ARHGEF7: variants seen among roughly 807,000 people sequenced by gnomAD.
ARHGEF7 encodes the protein Rho guanine nucleotide exchange factor 7, also known as PAK-interacting exchange factor beta.
A neutral mutation model predicts 109.8 loss-of-function variants in ARHGEF7; 33 were observed. The observed-to-expected ratio is 0.30, with a 90% CI of 0.23 to 0.40. The LOEUF is 0.40. Ranked by LOEUF, ARHGEF7 falls within the 10% of genes least tolerant of loss-of-function variation. The pLI, the probability that ARHGEF7 is intolerant of heterozygous loss-of-function variation, is 1.00. For synonymous variants in ARHGEF7, 458 were observed against 424.6 expected, an observed-to-expected ratio of 1.08 and a Z score of -0.97; for missense variants, 938 against 1,098.5, an observed-to-expected ratio of 0.85 and a Z score of 2.07.
chr13:111,215,621 C>A (rs78314470), intron 4 of ARHGEF7, among the ~76,000 whole-genome samples: 1 of 152,166 alleles, frequency 6.6e-6, no homozygotes, highest in African/African-American at 2.4e-5. Context: ...ATTTTGTTTT[C>A]GAGAATTAGT....
At chr13:111,246,922 G>A (rs1049892994) in intron 8 of ARHGEF7, among the ~76,000 whole-genome samples, 4 of 152,160 alleles carry the variant, frequency 2.6e-5, no homozygotes, top group East Asian at 1.9e-4. Context: ...CACATTACTC[G>A]TTAAAAAGCT....
intron 1 of ARHGEF7, among the ~76,000 whole-genome samples, chr13:111,127,711 A>T (rs1409031067): frequency 6.6e-6 from 1 of 151,336 alleles, no homozygotes; most frequent in African/African-American, 2.4e-5. Context: ...GTGAGGTTGT[A>T]CTTCCCAAAC....
rs556954118 is a variant in ARHGEF7, at chr13:111,126,775, A to G, written c.165+11084A>G. 7.9e-4 allele frequency among the ~76,000 whole-genome samples: 121 copies of G among 152,332 alleles called. 3 individuals carry two copies. The South Asian group carries it at 0.021, about 27-fold the overall frequency. ...ACAAATAACCTGGAGTCATAAGCAC[A>G]CTGTTTATGAATTCCTCAAATGAAA... On this transcript the variant is annotated intron_variant, in intron 1 of 21. Transcript: ENST00000646102.
chr13:111,205,235 C>CGAA (rs1197197838), intron 2 of ARHGEF7, 54 bp from the exon 3 acceptor site: 2 of 1,431,844 alleles, frequency 1.4e-6, no homozygotes, highest in African/African-American at 2.9e-5. Context: ...CTTAGTTCAT[C>CGAA]CTGCACCCAA....
At chr13:111,120,985 A>G (rs1237846244) in intron 1 of ARHGEF7, among the ~76,000 whole-genome samples, 3 of 152,232 alleles carry the variant, frequency 2.0e-5, no homozygotes, top group Non-Finnish European at 2.9e-5. Context: ...CACTGCCTTC[A>G]GAAATTTACA....
intron 1 of ARHGEF7, among the ~76,000 whole-genome samples, chr13:111,135,201 A>G (rs956218741): frequency 7.9e-5 from 12 of 152,170 alleles, no homozygotes; most frequent in Non-Finnish European, 1.8e-4. Context: ...TGGTTACTGT[A>G]GCCTTGTAGT....
chr13:111,145,933 G>A lies in ARHGEF7; in HGVS notation c.166-7972G>A, dbSNP rs2075567030. ...TAAGGTTCTTTGTTTCACTTACTCCGTGATGAGTGGATTTGGTGACCTAAG... is the reference window on the plus strand; with the variant it reads ...TAAGGTTCTTTGTTTCACTTACTCCATGATGAGTGGATTTGGTGACCTAAG... On this transcript the variant is annotated intron_variant, in intron 1 of 21. Transcript: ENST00000646102. The surrounding 1 kb of genome is among the most constrained non-coding windows in gnomAD (Gnocchi z 4.3). Among the ~76,000 whole-genome samples, 2 of 152,176 alleles carry A rather than the reference G, an allele frequency of 1.3e-5. No homozygotes were observed. Among genetic ancestry groups the A allele is most frequent in the Non-Finnish European group, 2.9e-5 (2 of 68,030 alleles).
intron 1 of ARHGEF7, among the ~76,000 whole-genome samples, chr13:111,151,651 C>T (rs1422918181): frequency 6.6e-6 from 1 of 152,218 alleles, no homozygotes; most frequent in Non-Finnish European, 1.5e-5. Context: ...TAACATTGAA[C>T]TCATGGCCAA....
chr13:111,241,240 G>C (rs1200064676), intron 6 of ARHGEF7: 1 of 1,536,080 alleles, frequency 6.5e-7, no homozygotes, highest in Non-Finnish European at 8.7e-7. Context: ...TGGGTTCCCA[G>C]CGTTGGTGGG....
intron 16 of ARHGEF7, among the ~76,000 whole-genome samples, chr13:111,285,696 A>AT (rs562730575): frequency 5.9e-5 from 9 of 152,098 alleles, no homozygotes; most frequent in Non-Finnish European, 1.2e-4. Flanking sequence ...TAAAGCAATT[A>AT]TTTTTTACTT....
rs1400994923 is a variant in ARHGEF7, at chr13:111,230,343, A to C, written c.671-2862A>C. 2.0e-5 allele frequency among the ~76,000 whole-genome samples: 3 copies of C among 152,134 alleles called. No homozygotes were observed. In the East Asian group the frequency reaches 5.8e-4, roughly 29 times the overall value. On this transcript the variant is annotated intron_variant, in intron 5 of 21. Transcript: ENST00000646102. ...ATAGTAGGGCAGTTGAGTATTTTCT[A>C]ATCTATTTCCTGGCTGTGTGCTTTT... is the stretch of plus-strand genomic sequence containing the variant.
intron 1 of ARHGEF7, among the ~76,000 whole-genome samples, chr13:111,121,075 G>C (rs1369328087): frequency 6.6e-6 from 1 of 152,174 alleles, no homozygotes; most frequent in Non-Finnish European, 1.5e-5. Context: ...GGAGGGGCTG[G>C]CTCAGGTCAC....
intron 1 of ARHGEF7, among the ~76,000 whole-genome samples, chr13:111,143,356 C>T (rs947610994): frequency 5.3e-5 from 8 of 152,144 alleles, no homozygotes; most frequent in Non-Finnish European, 1.0e-4. Flanking sequence ...AGCACATTTC[C>T]GTCAGAGGCC....
At chr13:111,286,277 C>CACG in intron 17 of ARHGEF7, 37 bp downstream of exon 17, 2 of 1,540,818 alleles carry the variant, frequency 1.3e-6, no homozygotes, top group Non-Finnish European at 1.8e-6. Context: ...AGGACGTGGC[C>CACG]TCCTGGTCAC....
In ARHGEF7 at chr13:111,274,714, G is replaced by A. The variant is rs370025254; in HGVS notation, c.1213-17G>A. 9.0e-6 allele frequency: 13 copies of A among 1,436,838 alleles called. No individual in the cohort carries two copies. Among genetic ancestry groups the A allele is most frequent in the Non-Finnish European group, 1.2e-5 (13 of 1,077,500 alleles). 89.0% of individuals were successfully genotyped at this position (1,436,838 alleles called of 1,614,324 possible). ...TTTTCCTTATGAAAGCTAATTGTAT[G>A]TTTCTTTTACTCAAAGGATTATCAT... On this transcript the variant is annotated splice_polypyrimidine_tract_variant and intron_variant, in intron 10 of 21. Coordinates refer to ENST00000646102, the MANE Select transcript of ARHGEF7 (RefSeq NM_001354046.2).
At chr13:111,176,687 C>G (rs1594318962) in intron 2 of ARHGEF7, among the ~76,000 whole-genome samples, 1 of 152,244 alleles carries the variant, frequency 6.6e-6, no homozygotes, top group Non-Finnish European at 1.5e-5. Flanking sequence ...CCCATCTGCT[C>G]TTGAGCTTTC....
At chr13:111,130,135 T>C (rs2074663061) in intron 1 of ARHGEF7, among the ~76,000 whole-genome samples, 3 of 152,188 alleles carry the variant, frequency 2.0e-5, no homozygotes, top group Non-Finnish European at 4.4e-5. Flanking sequence ...ATGATTCCAT[T>C]TATAGAAGAT....
intron 8 of ARHGEF7, among the ~76,000 whole-genome samples, chr13:111,249,200 CACATA>C (rs2089384808): frequency 6.6e-6 from 1 of 152,076 alleles, no homozygotes. Flanking sequence ...TTAGCTGTTC[CACATA>C]ACAAAGTTGG....
At chr13:111,274,958 A>G (rs2153598469) in intron 11 of ARHGEF7, among the ~76,000 whole-genome samples, 168 bp downstream of exon 11, 1 of 152,362 alleles carries the variant, frequency 6.6e-6, no homozygotes, top group South Asian at 2.1e-4. Flanking sequence ...GTGGACTATG[A>G]TAGAATAATT....
Sources: gnomAD v4.1 joint callset for allele counts (sites outside exome capture counted in the v4.1 genomes callset) on GRCh38, gnomAD v4.1.1 for gene constraint, Gnocchi (gnomAD v3.1) non-coding constraint, MANE v1.5 for transcripts, NCBI Gene and HGNC (gene_info 2026-07-23, HGNC 2026-07-21) for gene names.